The following ZNF800 variants were observed in gnomAD, a reference collection of about 807,000 sequenced individuals.
ZNF800 encodes zinc finger protein 800.
In ZNF800, 13 loss-of-function variants were observed where a neutral mutation model predicts 59.5. The observed-to-expected ratio is 0.22, with a 90% CI of 0.14 to 0.35. ZNF800 has a LOEUF of 0.35. Among genes scored for constraint, ZNF800 ranks in the 10% least tolerant of loss-of-function variants. The pLI, the probability that ZNF800 is intolerant of heterozygous loss-of-function variation, is 1.00. For synonymous variants in ZNF800, 266 were observed against 265.7 expected (o/e 1.00, Z -0.01); for missense variants, 621 against 783.7 (o/e 0.79, Z 2.48).
chr7:127,356,578 T>A (rs932389938), intron 1 of ZNF800, among the ~76,000 whole-genome samples: 2 of 151,250 alleles, frequency 1.3e-5, no homozygotes, highest in Admixed American at 6.6e-5. Context: ...AAAAAAAAAA[T>A]GATGTTTAAA....
intron 3 of ZNF800, among the ~76,000 whole-genome samples, chr7:127,384,153 T>C (rs935666457): frequency 7.9e-5 from 12 of 151,522 alleles, no homozygotes; most frequent in Non-Finnish European, 1.8e-4. Context: ...CACACAGATT[T>C]TGGGTACAGG....
chr7:127,350,788 T>C (rs1461170712), intron 1 of ZNF800, among the ~76,000 whole-genome samples: 1 of 152,210 alleles, frequency 6.6e-6, no homozygotes, highest in Non-Finnish European at 1.5e-5. Flanking sequence ...CGAGGCACAA[T>C]GACGTGCAGC....
chr7:127,364,265 C>A (rs1800456897), intron 1 of ZNF800: 1 of 151,958 alleles, frequency 6.6e-6, no homozygotes. Flanking sequence ...AACTTTCAAC[C>A]GAAATGTAGG....
chr7:127,376,163 T>A (rs6979232), intron 4 of ZNF800, among the ~76,000 whole-genome samples: 96,530 of 151,680 alleles, frequency 0.64, 31,110 homozygotes, highest in East Asian at 0.86. Context: ...GTAGGAAATA[T>A]TTCCAGGTAA....
At chr7:127,386,749 T>C (rs904890178) in intron 2 of ZNF800, among the ~76,000 whole-genome samples, 2 of 152,200 alleles carry the variant, frequency 1.3e-5, no homozygotes, top group African/African-American at 4.8e-5. Context: ...AGTGACCAGA[T>C]TAAATAAACT....
intron 4 of ZNF800, among the ~76,000 whole-genome samples, chr7:127,376,365 A>G (rs1388859083): frequency 6.6e-6 from 1 of 151,836 alleles, no homozygotes; most frequent in Non-Finnish European, 1.5e-5. Context: ...GTAAGTCAAC[A>G]AAGAGTTAAA....
chr7:127,353,848 A>C (rs1587421845), intron 1 of ZNF800, among the ~76,000 whole-genome samples: 1 of 1,648 alleles, frequency 6.1e-4, no homozygotes. Flanking sequence ...AAGCTGGCCA[A>C]AAAAAAAAAC....
intron 1 of ZNF800, among the ~76,000 whole-genome samples, chr7:127,356,848 A>G (rs1800281389): frequency 1.3e-5 from 2 of 152,006 alleles, no homozygotes; most frequent in Non-Finnish European, 2.9e-5. Flanking sequence ...CTTCTAATTC[A>G]GGTCTGTCAT....
intron 1 of ZNF800, chr7:127,350,521 C>T (rs751770997): frequency 3.3e-5 from 5 of 152,244 alleles, no homozygotes; most frequent in Middle Eastern, 3.4e-3. Flanking sequence ...CACAAAGGTA[C>T]GTATTTAATA....
rs1422874332 is a variant in ZNF800, at chr7:127,385,933, T to G, written c.157+127A>C. On this transcript the variant is annotated intron_variant, in intron 3 of 5. Transcript: ENST00000265827. ...ATCCACTTTTTTAAAATATGAAAATTTTAAATATTCTATAAAGAAAGCCAA... is the reference window on the plus strand; with the variant it reads ...ATCCACTTTTTTAAAATATGAAAATGTTAAATATTCTATAAAGAAAGCCAA... 4.9e-6 allele frequency: 3 copies of G among 606,096 alleles called. No homozygotes were observed. The African/African-American group carries it at 5.7e-5, about 12-fold the overall frequency. 37.5% of individuals were successfully genotyped at this position (606,096 alleles called of 1,614,324 possible).
In ZNF800 at chr7:127,391,549, T is replaced by C; in HGVS notation, c.9A>G (p.Leu3=). 6.2e-7 allele frequency: 1 copy of C among 1,614,138 alleles called. No individual in the cohort carries two copies. The change falls in exon 2 of 6, where the codon TTA becomes TTG. Residue 3 remains leucine, a synonymous_variant. Coordinates refer to ENST00000265827, the MANE Select transcript of ZNF800 (RefSeq NM_176814.5). ...GGTCAGTCTGACAGTATTTGTCCCT[T>C]AAAGGCATTTTCAGTGGACTCGACC... MP[L]RDKYCQTDHH... is the part of the protein sequence containing the mutation.
At position 127,379,870 on chromosome 7, in the gene ZNF800, C is replaced by CACACAGAG. The variant is rs1434431281; in HGVS notation, c.158-2542_158-2541insCTCTGTGT. ...CCCCCCCACCCCCCCCACACACACACAGAGAGAGAGAGAGAGAGAGAGGGA... is the reference window on the plus strand; with the variant it reads ...CCCCCCCACCCCCCCCACACACACACACACAGAGAGAGAGAGAGAGAGAGAGAGAGGGA... On this transcript the variant is annotated intron_variant, in intron 3 of 5. Coordinates refer to ENST00000265827, the MANE Select transcript of ZNF800 (RefSeq NM_176814.5). Among the ~76,000 whole-genome samples, 408 of 83,884 alleles carry CACACAGAG rather than the reference C, an allele frequency of 4.9e-3. 11 individuals carry two copies. Among genetic ancestry groups the CACACAGAG allele is most frequent in the African/African-American group, 0.023 (385 of 16,836 alleles). 55.0% of individuals were successfully genotyped at this position (83,884 alleles called of 152,430 possible).
At position 127,371,784 on chromosome 7, in the gene ZNF800, C is replaced by A. The variant is rs758169341; in HGVS notation, c.*30G>T. Reference sequence around the variant, plus strand: ...TAAAGTCTTTCCACAAAAATGAACTCCAAACCTTTTCGTACATCACTTGAA... The same window carrying A: ...TAAAGTCTTTCCACAAAAATGAACTACAAACCTTTTCGTACATCACTTGAA... On this transcript the variant is annotated 3_prime_UTR_variant, in exon 6 of 6. Coordinates refer to ENST00000265827, the MANE Select transcript of ZNF800 (RefSeq NM_176814.5). 1.3e-6 allele frequency: 1 copy of A among 763,766 alleles called. No individual in the cohort carries two copies. The highest frequency in any genetic ancestry group is 1.8e-5 in the Admixed American group (1 of 56,292). The allele number at this position is 763,766 out of a possible 1,614,324, so 47.3% of individuals were successfully genotyped here.
At chr7:127,366,665 C>T (rs1800513305), downstream of ZNF800, among the ~76,000 whole-genome samples, 1 of 152,162 alleles carries the variant, frequency 6.6e-6, no homozygotes, top group African/African-American at 2.4e-5. Flanking sequence ...AACATGTATA[C>T]TGGAAAGCTC....
chr7:127,356,129 A>T (rs967868593), intron 1 of ZNF800, among the ~76,000 whole-genome samples: 8 of 152,128 alleles, frequency 5.3e-5, no homozygotes, highest in African/African-American at 1.9e-4. Context: ...AAAAACCAAA[A>T]GAACAATCTG....
rs749115583 is a variant in ZNF800, at chr7:127,373,366, C to T, written c.1970G>A (p.Ser657Asn). 6.2e-7 allele frequency: 1 copy of T among 1,607,108 alleles called. No individual in the cohort carries two copies. Among genetic ancestry groups the T allele is most frequent in the Admixed American group, 1.7e-5 (1 of 59,006 alleles). ...SPEGNKTKGR[S>N]TRSKALV The stretch of plus-strand genomic sequence containing the variant: ...CCAGACAAGAGCCTTAGATCTTGTA[C>T]TTCGGCCTTTGGTTTTGTTTCCTTC... Residue 657 changes from serine to asparagine, a missense_variant, in exon 5 of 6, where the codon AGT becomes AAT. Coordinates refer to ENST00000265827, the MANE Select transcript of ZNF800 (RefSeq NM_176814.5).
chr7:127,392,262 G>T lies in ZNF800; in HGVS notation c.-261C>A. The T allele has an allele frequency of 2.5e-6, 1 of 392,978 alleles. No homozygotes were observed. Among genetic ancestry groups the T allele is most frequent in the Non-Finnish European group, 4.5e-6 (1 of 222,260 alleles). The allele number at this position is 392,978 out of a possible 1,614,324, so 24.3% of individuals were successfully genotyped here. A position where few individuals can be genotyped will look rare whatever the true frequency, so the allele number is the denominator to read the frequency against. On this transcript the variant is annotated 5_prime_UTR_variant, in exon 1 of 6. Transcript: ENST00000265827. ...ACGCGGAAGCGCCACAGCTCACCAC[G>T]TCCCTCCGCGGGCCGAGACGACTGC...
intron 3 of ZNF800, among the ~76,000 whole-genome samples, chr7:127,384,028 C>CA (rs1277054200): frequency 6.6e-6 from 1 of 151,764 alleles, no homozygotes; most frequent in Non-Finnish European, 1.5e-5. Flanking sequence ...AAAAATACGA[C>CA]AAACACAGAG....
downstream of ZNF800, among the ~76,000 whole-genome samples, chr7:127,368,484 A>G (rs548914041): frequency 2.0e-5 from 3 of 152,300 alleles, no homozygotes; most frequent in East Asian, 1.9e-4. Flanking sequence ...GCTAAATCAT[A>G]ATCCTGATAA....
Sources: allele counts gnomAD v4.1 joint callset (sites outside exome capture counted in the v4.1 genomes callset), GRCh38; gene constraint gnomAD v4.1.1; transcripts MANE v1.5; gene names NCBI Gene and HGNC (gene_info 2026-07-23, HGNC 2026-07-21).